Variants in RGS6 observed in about 807,000 individuals in gnomAD.
The protein encoded by RGS6 is regulator of G-protein signaling 6.
Under a neutral mutation model 78.5 loss-of-function variants are expected in RGS6, and 30 were observed. The observed-to-expected ratio is 0.38, with a 90% CI of 0.29 to 0.52. The LOEUF (loss-of-function observed/expected upper bound fraction) is 0.52. RGS6 is among the 20% of genes least tolerant of loss of function. The pLI, the probability that RGS6 is intolerant of heterozygous loss-of-function variation, is 0.85. For missense variants in RGS6, 495 were observed against 609.7 expected (o/e 0.81, Z 1.98); for synonymous variants, 206 against 206.0 (o/e 1.00, Z 0.00).
chr14:72,458,287 G>C lies in RGS6; in HGVS notation c.252G>C (p.Leu84Phe), dbSNP rs2095686141. 3 of 1,613,392 alleles carry C rather than the reference G, an allele frequency of 1.9e-6. No individual in the cohort carries two copies. Among genetic ancestry groups the C allele is most frequent in the African/African-American group, 2.7e-5 (2 of 74,858 alleles). Residue 84 changes from leucine (L) to phenylalanine (F), a missense_variant, in exon 5 of 18, where the codon TTG becomes TTC. Transcript: ENST00000553525. ...SIEDPVEAIH[L>F]GSLIAAQGYI... The stretch of plus-strand genomic sequence containing the variant: ...TTCTTACAGTTGAAGCAATACACTT[G>C]GGGAGCCTTATCGCTGCCCAGGGCT...
the RGS6 span, chr14:72,620,110 C>T: frequency 1.1e-6 from 1 of 936,904 alleles, no homozygotes. Context: ...CCAGGCCCCA[C>T]TTGGAGTCCT....
chr14:72,353,212 G>A (rs1180654976), intron 3 of RGS6, among the ~76,000 whole-genome samples: 1 of 152,184 alleles, frequency 6.6e-6, no homozygotes, highest in African/African-American at 2.4e-5. Flanking sequence ...CAAGAGCAAT[G>A]AAAACTTGTG....
intron 3 of RGS6, among the ~76,000 whole-genome samples, chr14:72,451,714 G>T (rs753802157): frequency 2.2e-4 from 33 of 152,102 alleles, no homozygotes; most frequent in Non-Finnish European, 8.8e-5. Flanking sequence ...AGCTAATGCA[G>T]GAAACCTCAC....
At chr14:72,591,667 T>C in the RGS6 span, among the ~76,000 whole-genome samples, 1 of 152,216 alleles carries the variant, frequency 6.6e-6, no homozygotes. Flanking sequence ...CTGTGTCCAG[T>C]GACCTGCACA....
rs75337497 is a variant in RGS6, at chr14:72,292,956, G to C, written c.85-59139G>C. 1.0e-3 allele frequency among the ~76,000 whole-genome samples: 157 copies of C among 152,320 alleles called. 1 individual carries two copies. In the East Asian group the frequency reaches 0.025, roughly 24 times the overall value. On this transcript the variant is annotated intron_variant, in intron 2 of 17. Coordinates refer to ENST00000553525, the MANE Select transcript of RGS6 (RefSeq NM_001204424.2). ...TCCAACAGCTCTTGATCTCACATGT[G>C]AGGCTCTTTCTCATCCCTGAAGGCT... is the stretch of plus-strand genomic sequence containing the variant.
At chr14:72,152,737 G>C (rs766927473) in intron 2 of RGS6, among the ~76,000 whole-genome samples, 5 of 152,120 alleles carry the variant, frequency 3.3e-5, no homozygotes, top group Admixed American at 6.5e-5. Flanking sequence ...AAGCTCCTCT[G>C]GCACTTCAGG....
the RGS6 span, among the ~76,000 whole-genome samples, chr14:72,601,483 C>T: frequency 3.9e-5 from 6 of 152,218 alleles, no homozygotes; most frequent in Non-Finnish European, 7.3e-5. Flanking sequence ...GCCTCTTCTT[C>T]TAAAACTTTC....
rs143522613 is a variant in RGS6 at position 72,486,565 on chromosome 14, G to C, written c.854+8236G>C. 7.7e-3 allele frequency among the ~76,000 whole-genome samples: 1,173 copies of C among 152,216 alleles called. 6 individuals are homozygous for C. Among genetic ancestry groups the C allele is most frequent in the Non-Finnish European group, 0.011 (764 of 68,018 alleles). ...ATCTGCTTCACTCAGATTCCCAAGA[G>C]ACCCAGCATAAGGGTCAACCCTTGT... is the stretch of plus-strand genomic sequence containing the variant. On this transcript the variant is annotated intron_variant, in intron 12 of 17. Coordinates refer to ENST00000553525, the MANE Select transcript of RGS6 (RefSeq NM_001204424.2).
chr14:71,965,051 A>G (rs2093432238), intron 2 of RGS6, among the ~76,000 whole-genome samples, 176 bp downstream of exon 2: 1 of 152,254 alleles, frequency 6.6e-6, no homozygotes, highest in Admixed American at 6.5e-5. Flanking sequence ...ATACTTGAGC[A>G]CTTGGTATTT....
chr14:72,394,442 T>C lies in RGS6; in HGVS notation c.184+42248T>C, dbSNP rs150267731. On this transcript the variant is annotated intron_variant, in intron 3 of 17. Coordinates refer to ENST00000553525, the MANE Select transcript of RGS6 (RefSeq NM_001204424.2). ...ATGAAGTTTCAGGCACGCTTTGTCA[T>C]TGATAACATCTTATCAACCGTAAAA... Among the ~76,000 whole-genome samples, 45 of 152,328 alleles carry C rather than the reference T, an allele frequency of 3.0e-4. 1 individual carries two copies. The highest frequency in any genetic ancestry group is 5.9e-4 in the Non-Finnish European group (40 of 68,030).
At chr14:72,005,869 T>C (rs964215206) in intron 2 of RGS6, among the ~76,000 whole-genome samples, 2 of 152,096 alleles carry the variant, frequency 1.3e-5, no homozygotes, top group Admixed American at 6.5e-5. Context: ...CTTTATTCAT[T>C]ATTGTTTTTT....
intron 2 of RGS6, among the ~76,000 whole-genome samples, chr14:72,228,188 A>G (rs1415082609): frequency 6.6e-6 from 1 of 151,918 alleles, no homozygotes; most frequent in Non-Finnish European, 1.5e-5. Context: ...AGATCTGCCT[A>G]GCCAACATGG....
chr14:72,310,149 G>A (rs1198875874), intron 2 of RGS6, among the ~76,000 whole-genome samples: 2 of 152,186 alleles, frequency 1.3e-5, no homozygotes, highest in Admixed American at 6.5e-5. Context: ...ATAGCCCTGT[G>A]CACTGCTGAG....
chr14:72,552,425 C>T lies in RGS6; in HGVS notation c.1423-9992C>T, dbSNP rs910274632. On this transcript the variant is annotated intron_variant, in intron 17 of 17. Coordinates refer to ENST00000553525, the MANE Select transcript of RGS6 (RefSeq NM_001204424.2). ...GGAGGGCCACCAGGCAAATGGTGCA[C>T]GTGTTGTGGGGATCTGGCATTTGGC... Among the ~76,000 whole-genome samples the T allele has an allele frequency of 3.3e-5, 5 of 152,230 alleles. No homozygotes were observed. In the South Asian group the frequency reaches 6.2e-4, roughly 19 times the overall value.
At chr14:72,108,524 T>G (rs1318404883) in intron 2 of RGS6, among the ~76,000 whole-genome samples, 1 of 151,964 alleles carries the variant, frequency 6.6e-6, no homozygotes, top group Non-Finnish European at 1.5e-5. Flanking sequence ...TCTGCCTTCT[T>G]TAGAGACTCC....
intron 2 of RGS6, among the ~76,000 whole-genome samples, chr14:72,110,500 A>G (rs1190165404): frequency 9.2e-5 from 14 of 152,158 alleles, no homozygotes; most frequent in African/African-American, 1.7e-4. Flanking sequence ...CAGAAAGTCT[A>G]CTGTGTCTAA....
At chr14:72,225,086 G>C (rs150085045) in intron 2 of RGS6, among the ~76,000 whole-genome samples, 5 of 152,184 alleles carry the variant, frequency 3.3e-5, no homozygotes, top group Admixed American at 3.3e-4. Context: ...TTTAGCAAAA[G>C]AGCCATAACT....
intron 2 of RGS6, among the ~76,000 whole-genome samples, chr14:72,070,137 T>C (rs1409122078): frequency 1.3e-5 from 2 of 152,050 alleles, no homozygotes; most frequent in Non-Finnish European, 2.9e-5. Context: ...TTTATTTCTC[T>C]CTCTCTCTCT....
intron 2 of RGS6, among the ~76,000 whole-genome samples, chr14:71,992,127 T>G: frequency 6.6e-6 from 1 of 151,080 alleles, no homozygotes; most frequent in Admixed American, 6.6e-5. Context: ...ACCTCCTGGG[T>G]TCAAGTGATT....
Sources: gnomAD v4.1 joint callset for allele counts (sites outside exome capture counted in the v4.1 genomes callset) on GRCh38, gnomAD v4.1.1 for gene constraint, MANE v1.5 for transcripts, NCBI Gene and HGNC (gene_info 2026-07-23, HGNC 2026-07-21) for gene names.